YAF2: variants seen among roughly 807,000 people sequenced by gnomAD.
The protein encoded by YAF2 is YY1-associated factor 2.
In YAF2, 7 loss-of-function variants were observed where a neutral mutation model predicts 20.1. The observed-to-expected ratio is 0.35, with a 90% confidence interval of 0.20 to 0.65. YAF2 has a LOEUF of 0.65. YAF2 is among the 30% of genes least tolerant of loss of function. YAF2 has a pLI of 0.69. For synonymous variants in YAF2, 74 were observed against 76.0 expected, an observed-to-expected ratio of 0.97 and a Z score of 0.14; for missense variants, 151 against 219.2, an observed-to-expected ratio of 0.69 and a Z score of 1.96.
chr12:42,213,013 CAAATATTTTATCCT>C (rs1383175813), intron 2 of YAF2, among the ~76,000 whole-genome samples: 2 of 152,002 alleles, frequency 1.3e-5, no homozygotes, highest in African/African-American at 2.4e-5. Flanking sequence ...AGCAATAATG[CAAATATTTTATCCT>C]AATGGTATAA....
At position 42,166,205 on chromosome 12, in the gene YAF2, G is replaced by A. The variant is rs117538962; in HGVS notation, c.153-4440C>T. 7.0e-3 allele frequency among the ~76,000 whole-genome samples: 1,070 copies of A among 152,266 alleles called. 40 individuals are homozygous for A. The East Asian group carries it at 0.085, about 12-fold the overall frequency. ...TGGGATTACAGGCATGAGCCATTGC[G>A]CCTGGCCTCAAATACATTTCTAATA... On this transcript the variant is annotated intron_variant, in intron 2 of 3. Transcript: ENST00000534854.
At chr12:42,233,643 C>T in intron 2 of YAF2, 1 of 621,636 alleles carries the variant, frequency 1.6e-6, no homozygotes. Context: ...TCCTGAGTAG[C>T]TGGGACCACA....
intron 2 of YAF2, among the ~76,000 whole-genome samples, chr12:42,217,943 T>A (rs2067404525): frequency 6.6e-6 from 1 of 152,024 alleles, no homozygotes; most frequent in Non-Finnish European, 1.5e-5. Flanking sequence ...AGAAACAGCA[T>A]AATATATAAA....
chr12:42,164,802 G>T (rs1256603905), intron 2 of YAF2, among the ~76,000 whole-genome samples: 2 of 152,190 alleles, frequency 1.3e-5, no homozygotes, highest in East Asian at 3.9e-4. Flanking sequence ...AAGCGTGGTG[G>T]CTCACACCTG....
intron 2 of YAF2, among the ~76,000 whole-genome samples, chr12:42,186,685 A>T (rs2066484015): frequency 6.6e-6 from 1 of 152,146 alleles, no homozygotes; most frequent in Non-Finnish European, 1.5e-5. Flanking sequence ...CTCAAAAAGG[A>T]AAAAAAGAAA....
intron 2 of YAF2, among the ~76,000 whole-genome samples, chr12:42,196,888 C>T (rs1006939357): frequency 6.6e-6 from 1 of 152,084 alleles, no homozygotes; most frequent in African/African-American, 2.4e-5. Flanking sequence ...AGCTCAAAGA[C>T]AAAGCTGATG....
rs1356851647 is a variant in YAF2, at chr12:42,157,804, A to T, written c.*2785T>A. On this transcript the variant is annotated 3_prime_UTR_variant, in exon 4 of 4. Coordinates refer to ENST00000534854, the MANE Select transcript of YAF2 (RefSeq NM_005748.6). ...CATATATATATATATGTATATTCAA[A>T]TTTTTTCATAGAGATGAGCTTTCAC... 2.0e-5 allele frequency: 3 copies of T among 151,584 alleles called. No homozygotes were observed. Among genetic ancestry groups the T allele is most frequent in the Non-Finnish European group, 1.5e-5 (1 of 67,908 alleles). The allele number at this position is 151,584 out of a possible 1,614,324, so 9.4% of individuals were successfully genotyped here.
At chr12:42,169,786 G>A (rs1224788704) in intron 2 of YAF2, among the ~76,000 whole-genome samples, 1 of 152,112 alleles carries the variant, frequency 6.6e-6, no homozygotes, top group African/African-American at 2.4e-5. Context: ...CTATTGGAGT[G>A]GTGGAGCTAC....
intron 2 of YAF2, among the ~76,000 whole-genome samples, chr12:42,174,721 T>C (rs1018435312): frequency 6.6e-6 from 1 of 152,212 alleles, no homozygotes; most frequent in Non-Finnish European, 1.5e-5. Flanking sequence ...AAGTATCATC[T>C]GTACAATGGT....
chr12:42,176,601 C>G (rs753962194), intron 2 of YAF2, among the ~76,000 whole-genome samples: 1 of 152,174 alleles, frequency 6.6e-6, no homozygotes, highest in Non-Finnish European at 1.5e-5. Context: ...TCCATCCCCA[C>G]CTTCAAAATA....
chr12:42,167,591 T>A, intron 2 of YAF2, among the ~76,000 whole-genome samples: 1 of 152,236 alleles, frequency 6.6e-6, no homozygotes, highest in East Asian at 1.9e-4. Context: ...ATTAAAACAA[T>A]ACACATATCC....
At chr12:42,229,789 A>G (rs955656784) in intron 2 of YAF2, among the ~76,000 whole-genome samples, 3 of 152,236 alleles carry the variant, frequency 2.0e-5, no homozygotes, top group Non-Finnish European at 4.4e-5. Flanking sequence ...TTGTAACACC[A>G]TGGTAAGTAT....
intron 2 of YAF2, among the ~76,000 whole-genome samples, chr12:42,177,199 G>A (rs533507237): frequency 2.2e-4 from 33 of 152,178 alleles, no homozygotes; most frequent in African/African-American, 7.7e-4. Context: ...ATGTGATATA[G>A]GCTCTTCCTA....
chr12:42,170,214 T>C (rs1412550343), intron 2 of YAF2, among the ~76,000 whole-genome samples: 1 of 152,110 alleles, frequency 6.6e-6, no homozygotes, highest in Admixed American at 6.5e-5. Flanking sequence ...CATTACACCA[T>C]AATTGTAGGT....
intron 2 of YAF2, among the ~76,000 whole-genome samples, chr12:42,226,554 C>T (rs1381499494): frequency 6.6e-6 from 1 of 152,074 alleles, no homozygotes; most frequent in Non-Finnish European, 1.5e-5. Flanking sequence ...GTCCCAGCTA[C>T]TTGGGAGGCT....
chr12:42,165,525 G>A (rs1173987278), intron 2 of YAF2, among the ~76,000 whole-genome samples: 3 of 151,996 alleles, frequency 2.0e-5, no homozygotes, highest in African/African-American at 4.8e-5. Flanking sequence ...GTGCAGTGGC[G>A]TGATCTCAGG....
chr12:42,210,212 A>G, intron 2 of YAF2: 1 of 426,796 alleles, frequency 2.3e-6, no homozygotes, highest in Non-Finnish European at 4.3e-6. Context: ...TGTCCACACA[A>G]TAATTTCCAT....
intron 3 of YAF2, 102 bp from the exon 4 acceptor site, chr12:42,160,928 T>C: frequency 1.1e-6 from 1 of 952,312 alleles, no homozygotes; most frequent in Non-Finnish European, 1.6e-6. Flanking sequence ...AATGAATACA[T>C]GTATTTAAGG....
chr12:42,168,175 ATT>A (rs972399859), intron 2 of YAF2, among the ~76,000 whole-genome samples: 1,289 of 125,888 alleles, frequency 0.01, 15 homozygotes, highest in African/African-American at 0.036. Context: ...GAAAGACAGC[ATT>A]TTTTTTTTTT....
Sources: gnomAD v4.1 joint callset for allele counts (sites outside exome capture counted in the v4.1 genomes callset) on GRCh38, gnomAD v4.1.1 for gene constraint, MANE v1.5 for transcripts, NCBI Gene and HGNC (gene_info 2026-07-23, HGNC 2026-07-21) for gene names.